The following EPB41L4A variants were observed in gnomAD, a reference collection of about 807,000 sequenced individuals.
EPB41L4A encodes erythrocyte membrane protein band 4.1 like 4A.
In EPB41L4A, 100 loss-of-function variants were observed where a neutral mutation model predicts 108.6. The ratio of observed to expected loss-of-function variants is 0.92; its 90% CI spans 0.78 to 1.09. The LOEUF is 1.09. Ranked by LOEUF, EPB41L4A falls within the 50% of genes least tolerant of loss-of-function variation. The probability of loss-of-function intolerance (pLI) is 0.00; values close to 1 mark genes in which losing one functional copy is unlikely to be tolerated. For missense variants in EPB41L4A, 1,030 were observed against 842.7 expected, an observed-to-expected ratio of 1.22 and a Z score of -2.75; for synonymous variants, 319 against 289.0, an observed-to-expected ratio of 1.10 and a Z score of -1.05.
chr5:112,172,770 T>A (rs980026400), intron 18 of EPB41L4A, among the ~76,000 whole-genome samples: 2 of 152,196 alleles, frequency 1.3e-5, no homozygotes, highest in Non-Finnish European at 2.9e-5. Context: ...TCTGAAGTAT[T>A]ACATAATATC....
intron 9 of EPB41L4A, among the ~76,000 whole-genome samples, chr5:112,251,503 A>T (rs1214280451): frequency 6.6e-6 from 1 of 152,170 alleles, no homozygotes; most frequent in Admixed American, 6.6e-5. Context: ...GATATTACTA[A>T]GTGGGGAAAA....
intron 18 of EPB41L4A, among the ~76,000 whole-genome samples, chr5:112,181,703 T>A (rs948012836): frequency 2.6e-5 from 4 of 152,126 alleles, no homozygotes; most frequent in Admixed American, 6.5e-5. Flanking sequence ...GTGAAAGTAG[T>A]AGTATTTTAA....
At chr5:112,409,829 T>C (rs181377177) in intron 1 of EPB41L4A, among the ~76,000 whole-genome samples, 160 of 152,232 alleles carry the variant, frequency 1.1e-3, no homozygotes, top group Middle Eastern at 6.8e-3. Context: ...CTTACCCTTA[T>C]TACTGATGAG....
At chr5:112,321,020 A>C (rs569473940) in intron 1 of EPB41L4A, among the ~76,000 whole-genome samples, 24 of 152,304 alleles carry the variant, frequency 1.6e-4, no homozygotes, top group African/African-American at 5.1e-4. Flanking sequence ...AAGGGTCGTG[A>C]GATTACAGGC....
At chr5:112,399,921 C>G (rs1295366571) in intron 1 of EPB41L4A, among the ~76,000 whole-genome samples, 1 of 152,242 alleles carries the variant, frequency 6.6e-6, no homozygotes, top group Non-Finnish European at 1.5e-5. Context: ...ATGTCTCCCA[C>G]TGGTTCAATA....
At chr5:112,272,805 G>C (rs1752361356) in intron 4 of EPB41L4A, among the ~76,000 whole-genome samples, 1 of 140,890 alleles carries the variant, frequency 7.1e-6, no homozygotes, top group African/African-American at 2.6e-5. Flanking sequence ...AAAAAGACTG[G>C]GTTAGATGGC....
chr5:112,327,372 A>G (rs1756242378), intron 1 of EPB41L4A, among the ~76,000 whole-genome samples: 1 of 152,230 alleles, frequency 6.6e-6, no homozygotes, highest in Non-Finnish European at 1.5e-5. Flanking sequence ...AGCAATGTCA[A>G]AACTACCTGT....
intron 9 of EPB41L4A, among the ~76,000 whole-genome samples, chr5:112,252,346 C>T (rs1379976766): frequency 6.6e-6 from 1 of 152,120 alleles, no homozygotes; most frequent in Non-Finnish European, 1.5e-5. Flanking sequence ...GTAGCAATGA[C>T]CACACCTAGC....
chr5:112,227,644 C>T (rs904672032), intron 12 of EPB41L4A, among the ~76,000 whole-genome samples: 10 of 152,204 alleles, frequency 6.6e-5, no homozygotes, highest in African/African-American at 2.4e-4. Flanking sequence ...ATTCAGATAA[C>T]TCACCTTTCC....
chr5:112,256,657 A>T (rs4246010), intron 9 of EPB41L4A, among the ~76,000 whole-genome samples: 82,191 of 151,916 alleles, frequency 0.54, 22,615 homozygotes, highest in African/African-American at 0.61. Flanking sequence ...TATGAATAAA[A>T]TTAGCAAAAA....
intron 15 of EPB41L4A, among the ~76,000 whole-genome samples, chr5:112,198,962 C>T (rs1478843982): frequency 6.6e-6 from 1 of 152,126 alleles, no homozygotes; most frequent in Admixed American, 6.5e-5. Context: ...CCTTTCTAGA[C>T]AGAAGCAATG....
chr5:112,154,939 C>T (rs1047014639), intron 12 of EPB41L4A, among the ~76,000 whole-genome samples: 1 of 152,086 alleles, frequency 6.6e-6, no homozygotes, highest in African/African-American at 2.4e-5. Context: ...TTCCTAACAA[C>T]AAATTTAAAA....
In EPB41L4A at chr5:112,405,083, T is replaced by C. The variant is rs530138310; in HGVS notation, c.99+13858A>G. On this transcript the variant is annotated intron_variant, in intron 1 of 22. Transcript: ENST00000261486. ...CACACGAGTGGTGTGACCAAAAAACTACAGCAGAAATGACAGGATGTTATA... is the reference window on the plus strand; with the variant it reads ...CACACGAGTGGTGTGACCAAAAAACCACAGCAGAAATGACAGGATGTTATA... Among the ~76,000 whole-genome samples the C allele has an allele frequency of 9.2e-5, 14 of 152,338 alleles. No individual in the cohort carries two copies. In the South Asian group the frequency reaches 2.3e-3, roughly 25 times the overall value.
At chr5:112,285,094 A>G (rs1342634323) in intron 2 of EPB41L4A, among the ~76,000 whole-genome samples, 3 of 152,202 alleles carry the variant, frequency 2.0e-5, no homozygotes. Flanking sequence ...AAAATTTTTA[A>G]AAAGAAAGGA....
rs572165324 is a variant in EPB41L4A at position 112,398,072 on chromosome 5, A to G, written c.99+20869T>C. 1.4e-3 allele frequency among the ~76,000 whole-genome samples: 208 copies of G among 152,344 alleles called. 2 individuals carry two copies. The South Asian group carries it at 0.023, about 17-fold the overall frequency. On this transcript the variant is annotated intron_variant, in intron 1 of 22. Transcript: ENST00000261486. The stretch of plus-strand genomic sequence containing the variant: ...GAAATGCACACAGCATGTTCATACA[A>G]TGATGCATAAAACAAGCTGGCGAAA...
chr5:112,161,343 G>A (rs535154870), downstream of EPB41L4A: 103 of 389,030 alleles, frequency 2.6e-4, no homozygotes, highest in African/African-American at 1.5e-3. Context: ...AAAACGCATC[G>A]CATTTCACTT....
intron 1 of EPB41L4A, among the ~76,000 whole-genome samples, chr5:112,391,454 T>C (rs1214114420): frequency 2.0e-5 from 3 of 152,090 alleles, no homozygotes; most frequent in African/African-American, 7.2e-5. Flanking sequence ...CAGTAGCCAA[T>C]TCGATCAAGT....
intron 9 of EPB41L4A, among the ~76,000 whole-genome samples, chr5:112,254,753 T>C (rs777227622): frequency 7.9e-5 from 12 of 152,178 alleles, no homozygotes; most frequent in Middle Eastern, 3.4e-3. Context: ...TCTGTATATC[T>C]CAGTCACCCC....
At chr5:112,204,939 G>A (rs1762400216) in intron 14 of EPB41L4A, among the ~76,000 whole-genome samples, 1 of 152,126 alleles carries the variant, frequency 6.6e-6, no homozygotes, top group Non-Finnish European at 1.5e-5. Flanking sequence ...AAGTAGCTAG[G>A]AAGTGGCAGG....
Sources: gnomAD v4.1 joint callset for allele counts (sites outside exome capture counted in the v4.1 genomes callset) on GRCh38, gnomAD v4.1.1 for gene constraint, MANE v1.5 for transcripts, NCBI Gene and HGNC (gene_info 2026-07-23, HGNC 2026-07-21) for gene names.